POR: variants seen among roughly 807,000 people sequenced by gnomAD.
POR encodes cytochrome p450 oxidoreductase, also known as NADPH--cytochrome P450 reductase.
In POR, 56 loss-of-function variants were observed where a neutral mutation model predicts 84.0. The ratio of observed to expected loss-of-function variants is 0.67; its 90% CI spans 0.54 to 0.83. The LOEUF (loss-of-function observed/expected upper bound fraction) is 0.83. Among genes scored for constraint, POR ranks in the 40% least tolerant of loss-of-function variants. POR has a pLI of 0.00. For missense variants in POR, 938 were observed against 944.3 expected (o/e 0.99, Z 0.09); for synonymous variants, 414 against 400.5 (o/e 1.03, Z -0.40).
intron 1 of POR, among the ~76,000 whole-genome samples, chr7:75,953,103 G>A (rs1357279781): frequency 1.3e-5 from 2 of 152,166 alleles, no homozygotes; most frequent in Non-Finnish European, 2.9e-5. Context: ...GATCACTCGC[G>A]GTTAGGAGCT....
At position 75,986,171 on chromosome 7, in the gene POR, C is replaced by T; in HGVS notation, c.1828C>T (p.His610Tyr). Residue 610 changes from histidine (H) to tyrosine (Y), a missense_variant, in exon 15 of 16, where the codon CAC becomes TAC. Physicochemically the swap from His to Tyr is moderately conservative, Grantham distance 83 (BLOSUM62 2). Transcript: ENST00000461988. ...CCCTTGGCCCCAGGTCTACGTCCAG[C>T]ACCTGCTAAAGCAAGACCGAGAGCA... 3.1e-6 allele frequency: 5 copies of T among 1,611,590 alleles called. No individual in the cohort carries two copies. Among genetic ancestry groups the T allele is most frequent in the Non-Finnish European group, 4.2e-6 (5 of 1,179,366 alleles).
intron 3 of POR, among the ~76,000 whole-genome samples, chr7:75,975,672 G>A (rs1170922464): frequency 2.6e-5 from 4 of 152,092 alleles, no homozygotes; most frequent in Non-Finnish European, 4.4e-5. Context: ...TTCACTGGGC[G>A]CAACGTGTTC....
At chr7:75,951,226 C>G (rs1787407868) in intron 1 of POR, among the ~76,000 whole-genome samples, 1 of 152,006 alleles carries the variant, frequency 6.6e-6, no homozygotes, top group Admixed American at 6.6e-5. Flanking sequence ...GAAACCCCGT[C>G]TCTACTAAAA....
chr7:75,977,773 G>A lies in POR; in HGVS notation c.238-1678G>A, dbSNP rs1053382348. Among the ~76,000 whole-genome samples, 18 of 152,052 alleles carry A rather than the reference G, an allele frequency of 1.2e-4. 1 individual carries two copies. Among genetic ancestry groups the A allele is most frequent in the East Asian group, 7.7e-4 (4 of 5,176 alleles). ...AATCTGGGCGTCAGAGCGAGACTCC[G>A]TCTCACACACAAAAATAAAAAAAAG... On this transcript the variant is annotated intron_variant, in intron 3 of 15. Coordinates refer to ENST00000461988, the MANE Select transcript of POR (RefSeq NM_000941.3).
chr7:75,926,388 C>A (rs1291518565), intron 1 of POR, among the ~76,000 whole-genome samples: 2 of 152,186 alleles, frequency 1.3e-5, no homozygotes, highest in East Asian at 3.8e-4. Context: ...TCTTAGAAAG[C>A]AGCACGGCTC....
At chr7:75,980,304 A>G (rs1461757205) in intron 4 of POR, 35 bp from the exon 5 acceptor site, 1 of 1,600,556 alleles carries the variant, frequency 6.2e-7, no homozygotes, top group Non-Finnish European at 8.5e-7. Context: ...AGGCTCAGTC[A>G]TGGCCGGGGC....
In POR at chr7:75,948,486, T is replaced by C. The variant is rs1787276396; in HGVS notation, c.-4-5503T>C. The stretch of plus-strand genomic sequence containing the variant: ...TCCTTACAGGCGTGAGACTGTGTGG[T>C]CCTGACTGTGAACTCCGGGAAGAGG... On this transcript the variant is annotated intron_variant, in intron 1 of 15. Transcript: ENST00000461988. Among the ~76,000 whole-genome samples the C allele has an allele frequency of 2.0e-5, 3 of 152,100 alleles. 1 individual carries two copies. In the South Asian group the frequency reaches 6.2e-4, roughly 31 times the overall value.
intron 1 of POR, among the ~76,000 whole-genome samples, chr7:75,918,975 A>G (rs1554548463): frequency 1.3e-5 from 2 of 149,978 alleles, no homozygotes; most frequent in African/African-American, 4.9e-5. Flanking sequence ...GGTCAGGGCT[A>G]TGTGACTAGC....
In POR at chr7:75,922,849, T is replaced by C. The variant is rs149869942; in HGVS notation, c.-5+7670T>C. ...AGGCCTCAAAGCCACCCAGTCAAAG[T>C]AGGCACTTTTGGCAAAGGAGGAGCA... is the stretch of plus-strand genomic sequence containing the variant. On this transcript the variant is annotated intron_variant, in intron 1 of 15. Coordinates refer to ENST00000461988, the MANE Select transcript of POR (RefSeq NM_000941.3). 9 of 561,308 alleles carry C rather than the reference T, an allele frequency of 1.6e-5. No individual in the cohort carries two copies. In the East Asian group the frequency reaches 3.1e-4, roughly 19 times the overall value. The allele number at this position is 561,308 out of a possible 1,614,324, so 34.8% of individuals were successfully genotyped here. A position where few individuals can be genotyped will look rare whatever the true frequency, so the allele number is the denominator to read the frequency against.
intron 8 of POR, among the ~76,000 whole-genome samples, chr7:75,982,832 G>A (rs1789135989): frequency 1.3e-5 from 2 of 152,212 alleles, no homozygotes; most frequent in African/African-American, 4.8e-5. Context: ...GCATGTCGGT[G>A]GCTTTCCGGA....
chr7:75,934,091 AAT>A (rs1320311611), intron 1 of POR, among the ~76,000 whole-genome samples: 1 of 146,872 alleles, frequency 6.8e-6, no homozygotes, highest in African/African-American at 2.5e-5. Context: ...CATCAGAAAA[AAT>A]ATGTTTTTTT....
intron 3 of POR, among the ~76,000 whole-genome samples, chr7:75,976,933 C>T (rs1373561784): frequency 1.3e-5 from 2 of 152,070 alleles, no homozygotes; most frequent in Non-Finnish European, 2.9e-5. Flanking sequence ...TCACTTCAGC[C>T]TCAACCTCCC....
chr7:75,924,234 CAAA>C (rs56309046), intron 1 of POR, among the ~76,000 whole-genome samples: 7 of 148,472 alleles, frequency 4.7e-5, no homozygotes, highest in Admixed American at 4.7e-4. Context: ...CTTGTCTCTG[CAAA>C]AAAAAAGAAA....
intron 1 of POR, among the ~76,000 whole-genome samples, chr7:75,942,945 T>C (rs970529838): frequency 6.7e-6 from 1 of 148,594 alleles, no homozygotes; most frequent in African/African-American, 2.6e-5. Context: ...TCTTTCTTTT[T>C]TCTTTTTCTT....
rs368249506 is a variant in POR at position 75,980,499 on chromosome 7, CAG to C, written c.516+15_516+16del. 6.0e-5 allele frequency: 96 copies of C among 1,612,822 alleles called. 1 individual carries two copies. The East Asian group carries it at 1.5e-3, about 26-fold the overall frequency. On this transcript the variant is annotated intron_variant, in intron 5 of 15. Coordinates refer to ENST00000461988, the MANE Select transcript of POR (RefSeq NM_000941.3). ...GGGGTCAAGTTCGCGGTGAGTCACCCAGAGACTGCTATGGGCTCCCGGTGGCC... is the reference window on the plus strand; with the variant it reads ...GGGGTCAAGTTCGCGGTGAGTCACCCAGACTGCTATGGGCTCCCGGTGGCC...
intron 1 of POR, among the ~76,000 whole-genome samples, chr7:75,950,170 G>A (rs756133657): frequency 1.4e-4 from 21 of 152,168 alleles, no homozygotes; most frequent in Admixed American, 1.3e-3. Flanking sequence ...GTGCCCGGAC[G>A]ATCTGACTTA....
rs1306255729 is a variant in POR at position 75,922,658 on chromosome 7, G to C, written c.-5+7479G>C. On this transcript the variant is annotated intron_variant, in intron 1 of 15. Coordinates refer to ENST00000461988, the MANE Select transcript of POR (RefSeq NM_000941.3). ...CTTCTGAAGATTATTCCAAAGTACA[G>C]TAGGAACTTTTGGTAGGACTTTAGT... The C allele has an allele frequency of 2.7e-5, 7 of 261,610 alleles. No homozygotes were observed. In the East Asian group the frequency reaches 7.4e-4, roughly 28 times the overall value. The allele number at this position is 261,610 out of a possible 1,614,324, so 16.2% of individuals were successfully genotyped here. A position where few individuals can be genotyped will look rare whatever the true frequency, so the allele number is the denominator to read the frequency against.
In POR at chr7:75,915,203, C is replaced by T. The variant is rs575111549; in HGVS notation, c.-5+24C>T. 28 of 154,568 alleles carry T rather than the reference C, an allele frequency of 1.8e-4. 1 individual carries two copies. The South Asian group carries it at 5.7e-3, about 31-fold the overall frequency. 9.6% of individuals were successfully genotyped at this position (154,568 alleles called of 1,614,324 possible). The stretch of plus-strand genomic sequence containing the variant: ...CGGTGAGTGCTATCTTTCGCGGCGA[C>T]GGCGGGGTGGGTGAGGTCGGGCCCC... On this transcript the variant is annotated intron_variant, in intron 1 of 15. Transcript: ENST00000461988.
intron 5 of POR, 131 bp downstream of exon 5, chr7:75,980,619 G>A (rs782281837): frequency 3.1e-6 from 5 of 1,590,302 alleles, no homozygotes; most frequent in Non-Finnish European, 1.7e-6. Flanking sequence ...CAGGCCACTT[G>A]TGAGACCCTC....
Sources: gnomAD v4.1 joint callset for allele counts (sites outside exome capture counted in the v4.1 genomes callset) on GRCh38, gnomAD v4.1.1 for gene constraint, MANE v1.5 for transcripts, NCBI Gene and HGNC (gene_info 2026-07-23, HGNC 2026-07-21) for gene names.